The following CNTNAP4 variants were observed in gnomAD, a reference collection of about 807,000 sequenced individuals.
CNTNAP4 encodes the protein contactin-associated protein-like 4.
A neutral mutation model predicts 148.4 loss-of-function variants in CNTNAP4; 98 were observed. The observed-to-expected ratio is 0.66, with a 90% CI of 0.56 to 0.78. The LOEUF (loss-of-function observed/expected upper bound fraction) is 0.78, where lower values mean the gene tolerates loss of function less well. Among genes scored for constraint, CNTNAP4 ranks in the 30% least tolerant of loss-of-function variants. The pLI, the probability that CNTNAP4 is intolerant of heterozygous loss-of-function variation, is 0.00. For missense variants in CNTNAP4, 1,935 were observed against 1,565.6 expected (o/e 1.24, Z -3.98); for synonymous variants, 730 against 565.1 (o/e 1.29, Z -4.14).
intron 8 of CNTNAP4, among the ~76,000 whole-genome samples, chr16:76,456,644 C>A (rs928114265): frequency 6.6e-6 from 1 of 152,192 alleles, no homozygotes; most frequent in African/African-American, 2.4e-5. Context: ...AAAGCCCAGC[C>A]CTCAGTGCCA....
chr16:76,350,737 A>T (rs1965299220), intron 2 of CNTNAP4, among the ~76,000 whole-genome samples: 1 of 152,234 alleles, frequency 6.6e-6, no homozygotes, highest in Admixed American at 6.5e-5. Flanking sequence ...GGCACTTAAT[A>T]TGCTTTTAAA....
At chr16:76,537,125 C>G (rs2084245623) in intron 18 of CNTNAP4, among the ~76,000 whole-genome samples, 1 of 152,190 alleles carries the variant, frequency 6.6e-6, no homozygotes, top group Admixed American at 6.5e-5. Context: ...ATTAAGACCA[C>G]TTCATTAAAA....
chr16:76,526,471 G>A (rs751630412), intron 17 of CNTNAP4, among the ~76,000 whole-genome samples: 2 of 152,046 alleles, frequency 1.3e-5, no homozygotes, highest in African/African-American at 4.8e-5. Context: ...GAAATGGAGG[G>A]CAGGCAGGCT....
chr16:76,411,281 G>T (rs2078782628), intron 3 of CNTNAP4, among the ~76,000 whole-genome samples: 1 of 151,134 alleles, frequency 6.6e-6, no homozygotes, highest in Non-Finnish European at 1.5e-5. Flanking sequence ...TTTCCATTTG[G>T]GAAAACAATT....
chr16:76,372,138 A>ATTTTT lies in CNTNAP4; in HGVS notation c.390+16642_390+16646dup, dbSNP rs35343278. Among the ~76,000 whole-genome samples the ATTTTT allele has an allele frequency of 3.0e-4, 38 of 125,780 alleles. 1 individual carries two copies. The highest frequency in any genetic ancestry group is 6.6e-4 in the African/African-American group (22 of 33,328). The allele number at this position is 125,780 out of a possible 152,430, so 82.5% of individuals were successfully genotyped here. ...TGATAATGGTTGTGTTCCAGCCCAA[A>ATTTTT]TTTTTTTTTTTTTTTTTTTGAGACG... On this transcript the variant is annotated intron_variant, in intron 3 of 23. Coordinates refer to ENST00000611870, the MANE Select transcript of CNTNAP4 (RefSeq NM_033401.5).
chr16:76,416,041 C>T (rs974080923), intron 3 of CNTNAP4, among the ~76,000 whole-genome samples: 1 of 150,484 alleles, frequency 6.6e-6, no homozygotes, highest in Non-Finnish European at 1.5e-5. Flanking sequence ...GTCTTAACTT[C>T]TATCCTTAAC....
At chr16:76,399,631 G>A (rs1293618489) in intron 3 of CNTNAP4, among the ~76,000 whole-genome samples, 5 of 152,120 alleles carry the variant, frequency 3.3e-5, no homozygotes, top group African/African-American at 1.2e-4. Context: ...GATTAAAAAA[G>A]AGTATCTTTT....
At position 76,393,592 on chromosome 16, in the gene CNTNAP4, CAG is replaced by C. The variant is rs1368773155; in HGVS notation, c.391-33855_391-33854del. 2.6e-5 allele frequency among the ~76,000 whole-genome samples: 4 copies of C among 152,016 alleles called. 1 individual carries two copies. The highest frequency in any genetic ancestry group is 2.6e-4 in the Admixed American group (4 of 15,248). On this transcript the variant is annotated intron_variant, in intron 3 of 23. Coordinates refer to ENST00000611870, the MANE Select transcript of CNTNAP4 (RefSeq NM_033401.5). ...GAATGGAGATCCTTGTGACCCAGCA[CAG>C]AGAGTGCCCTAACTGCCTGTGGGAT...
At chr16:76,367,369 T>C (rs2014265996) in intron 3 of CNTNAP4, among the ~76,000 whole-genome samples, 1 of 152,098 alleles carries the variant, frequency 6.6e-6, no homozygotes, top group Admixed American at 6.5e-5. Context: ...GGGGCCTGTC[T>C]TTCTAGGCAA....
At chr16:76,367,643 G>A (rs146514904) in intron 3 of CNTNAP4, among the ~76,000 whole-genome samples, 72 of 152,260 alleles carry the variant, frequency 4.7e-4, no homozygotes, top group African/African-American at 1.6e-3. Context: ...CAACCACACA[G>A]CATGCACAGC....
chr16:76,449,074 C>A, intron 6 of CNTNAP4, 123 bp downstream of exon 6: 1 of 896,170 alleles, frequency 1.1e-6, no homozygotes, highest in African/African-American at 1.7e-5. Context: ...TGAAGCATTT[C>A]CCAAGGCAGT....
intron 18 of CNTNAP4, among the ~76,000 whole-genome samples, chr16:76,537,771 G>A (rs1290396364): frequency 6.6e-6 from 1 of 152,000 alleles, no homozygotes; most frequent in Non-Finnish European, 1.5e-5. Flanking sequence ...ATTTAAGATT[G>A]TACTATCTGC....
intron 1 of CNTNAP4, among the ~76,000 whole-genome samples, chr16:76,315,593 T>G (rs1961636187): frequency 6.6e-6 from 1 of 152,168 alleles, no homozygotes; most frequent in African/African-American, 2.4e-5. Context: ...ATAGGATCTG[T>G]GCTGTGAAGT....
intron 2 of CNTNAP4, among the ~76,000 whole-genome samples, chr16:76,344,978 G>C (rs538077344): frequency 2.6e-5 from 4 of 152,300 alleles, no homozygotes; most frequent in African/African-American, 9.6e-5. Flanking sequence ...GGATCTCTGT[G>C]CCAAGGACAG....
chr16:76,479,335 A>G, intron 11 of CNTNAP4, 84 bp from the exon 12 acceptor site: 1 of 1,243,510 alleles, frequency 8.0e-7, no homozygotes, highest in Non-Finnish European at 1.1e-6. Context: ...TTAAATTTCA[A>G]GATTTGCGGT....
chr16:76,448,880 T>C lies in CNTNAP4; in HGVS notation c.856T>C (p.Phe286Leu), dbSNP rs777170970. ...LIQRLGKQVNFTVDEHRHHFH... is the reference protein window; with the variant it reads ...LIQRLGKQVNLTVDEHRHHFH... ...CCAGCGTTTGGGCAAACAAGTCAAC[T>C]TCACAGTGGACGAACACAGGCATCA... Residue 286 changes from phenylalanine to leucine, a missense_variant, in exon 6 of 24, where the codon TTC (phenylalanine) becomes CTC (leucine). Transcript: ENST00000611870. The C allele has an allele frequency of 9.9e-6, 16 of 1,613,616 alleles. No individual in the cohort carries two copies. Among genetic ancestry groups the C allele is most frequent in the Non-Finnish European group, 1.3e-5 (15 of 1,179,830 alleles).
intron 1 of CNTNAP4, among the ~76,000 whole-genome samples, chr16:76,306,875 T>C (rs960976457): frequency 6.6e-6 from 1 of 152,204 alleles, no homozygotes; most frequent in Non-Finnish European, 1.5e-5. Flanking sequence ...AGGGGATATT[T>C]TCATCTGCAC....
At chr16:76,282,915 T>C (rs1958741837) in intron 1 of CNTNAP4, among the ~76,000 whole-genome samples, 1 of 151,970 alleles carries the variant, frequency 6.6e-6, no homozygotes, top group South Asian at 2.1e-4. Flanking sequence ...AAATAGTTTA[T>C]TTTTTCATTA....
At chr16:76,448,361 A>G (rs2143164121) in intron 5 of CNTNAP4, 146 bp downstream of exon 5, 1 of 620,936 alleles carries the variant, frequency 1.6e-6, no homozygotes, top group Non-Finnish European at 2.7e-6. Context: ...TTGCTCTTTC[A>G]TGTAAAAATG....
Sources: allele counts gnomAD v4.1 joint callset (sites outside exome capture counted in the v4.1 genomes callset), GRCh38; gene constraint gnomAD v4.1.1; transcripts MANE v1.5; gene names NCBI Gene and HGNC (gene_info 2026-07-23, HGNC 2026-07-21).